The following CNTNAP2 variants were observed in gnomAD, a reference collection of about 807,000 sequenced individuals.
CNTNAP2 encodes the protein contactin-associated protein-like 2.
In CNTNAP2, 98 loss-of-function variants were observed where a neutral mutation model predicts 155.2. The ratio of observed to expected loss-of-function variants is 0.63; its 90% CI spans 0.54 to 0.75. The LOEUF (loss-of-function observed/expected upper bound fraction) is 0.75. CNTNAP2 is among the 30% of genes least tolerant of loss of function. CNTNAP2 has a pLI of 0.00. For synonymous variants in CNTNAP2, 651 were observed against 631.2 expected, an observed-to-expected ratio of 1.03 and a Z score of -0.47; for missense variants, 1,727 against 1,688.1, an observed-to-expected ratio of 1.02 and a Z score of -0.40.
chr7:147,331,155 A>G (rs1241560602), intron 9 of CNTNAP2, among the ~76,000 whole-genome samples: 3 of 152,192 alleles, frequency 2.0e-5, no homozygotes, highest in Middle Eastern at 6.8e-3. Context: ...AAATAAGGCA[A>G]TGGCAGTGAT....
intron 1 of CNTNAP2, among the ~76,000 whole-genome samples, chr7:146,438,874 G>A (rs1486375000): frequency 2.6e-5 from 4 of 151,216 alleles, no homozygotes; most frequent in South Asian, 2.1e-4. Flanking sequence ...TCTTTCTCTC[G>A]GGCACACACT....
intron 1 of CNTNAP2, among the ~76,000 whole-genome samples, chr7:146,151,694 ATATG>A (rs1472025122): frequency 6.8e-4 from 28 of 41,232 alleles, no homozygotes; most frequent in South Asian, 3.0e-3. Flanking sequence ...ATATATATAT[ATATG>A]TATATATATA....
chr7:146,400,278 A>T (rs1795694937), intron 1 of CNTNAP2, among the ~76,000 whole-genome samples: 1 of 151,104 alleles, frequency 6.6e-6, no homozygotes, highest in Admixed American at 6.6e-5. Context: ...AAAAAAAAAA[A>T]TATGAAAAAA....
intron 20 of CNTNAP2, among the ~76,000 whole-genome samples, chr7:148,257,420 T>C (rs1446021028): frequency 6.6e-6 from 1 of 152,204 alleles, no homozygotes; most frequent in African/African-American, 2.4e-5. Context: ...CTTGGCCTCT[T>C]TCTTCTTCTT....
chr7:146,624,296 G>T (rs897757694), intron 1 of CNTNAP2, among the ~76,000 whole-genome samples: 2 of 151,896 alleles, frequency 1.3e-5, no homozygotes, highest in East Asian at 3.9e-4. Context: ...ATGGATAAAG[G>T]CTTGTGTGTA....
At chr7:147,869,285 C>T (rs1397158958) in intron 13 of CNTNAP2, among the ~76,000 whole-genome samples, 1 of 152,102 alleles carries the variant, frequency 6.6e-6, no homozygotes, top group Non-Finnish European at 1.5e-5. Context: ...AAAATGAAAA[C>T]AAGTCTATTA....
chr7:146,930,126 A>T (rs1796714523), intron 3 of CNTNAP2, among the ~76,000 whole-genome samples: 1 of 152,150 alleles, frequency 6.6e-6, no homozygotes, highest in South Asian at 2.1e-4. Context: ...CAACTCCAAG[A>T]CACATAATTG....
intron 1 of CNTNAP2, among the ~76,000 whole-genome samples, chr7:146,626,082 T>C (rs1280186964): frequency 6.6e-6 from 1 of 152,128 alleles, no homozygotes; most frequent in African/African-American, 2.4e-5. Context: ...AAACTTGTGA[T>C]ACTTATCTAA....
intron 8 of CNTNAP2, among the ~76,000 whole-genome samples, chr7:147,189,729 C>T (rs1481077096): frequency 7.2e-6 from 1 of 139,624 alleles, no homozygotes; most frequent in Non-Finnish European, 1.6e-5. Context: ...ATCTTGGGCT[C>T]ACATTAACAC....
At chr7:146,414,268 G>A in intron 1 of CNTNAP2, among the ~76,000 whole-genome samples, 1 of 152,174 alleles carries the variant, frequency 6.6e-6, no homozygotes, top group East Asian at 1.9e-4. Flanking sequence ...AGAAAAGGGT[G>A]GTGTCAACTC....
At chr7:146,639,734 C>G (rs1204557333) in intron 1 of CNTNAP2, among the ~76,000 whole-genome samples, 2 of 152,194 alleles carry the variant, frequency 1.3e-5, no homozygotes, top group African/African-American at 4.8e-5. Flanking sequence ...TCAACACTTA[C>G]AGGTATTATC....
chr7:147,284,437 A>G (rs898303088), intron 8 of CNTNAP2, among the ~76,000 whole-genome samples: 4 of 151,938 alleles, frequency 2.6e-5, no homozygotes, highest in African/African-American at 9.7e-5. Flanking sequence ...CATGTAATGA[A>G]TATCACATAT....
At chr7:147,626,443 C>G (rs1794978889) in intron 12 of CNTNAP2, among the ~76,000 whole-genome samples, 1 of 152,104 alleles carries the variant, frequency 6.6e-6, no homozygotes, top group Non-Finnish European at 1.5e-5. Flanking sequence ...CTGAGAACCA[C>G]CCTGCATCCC....
At chr7:146,696,598 T>C (rs996683672) in intron 1 of CNTNAP2, among the ~76,000 whole-genome samples, 1 of 152,160 alleles carries the variant, frequency 6.6e-6, no homozygotes, top group African/African-American at 2.4e-5. Flanking sequence ...TTTTTCTCAC[T>C]TTCTAAAGCA....
At chr7:146,283,683 T>A (rs1314688242) in intron 1 of CNTNAP2, among the ~76,000 whole-genome samples, 2 of 152,340 alleles carry the variant, frequency 1.3e-5, no homozygotes, top group African/African-American at 4.8e-5. Flanking sequence ...ATTTTTAAAA[T>A]TTTTATCTAC....
intron 15 of CNTNAP2, among the ~76,000 whole-genome samples, chr7:148,011,124 A>T (rs1172513718): frequency 6.6e-6 from 1 of 152,138 alleles, no homozygotes; most frequent in African/African-American, 2.4e-5. Flanking sequence ...GTAAAAGTCA[A>T]TAGCTTCTGT....
chr7:146,694,820 C>T lies in CNTNAP2; in HGVS notation c.98-79451C>T, dbSNP rs181069320. ...GTAGATCTTATACATATTTTGTCGG[C>T]CTTATATCTAAGTGTTTGATAATTT... On this transcript the variant is annotated intron_variant, in intron 1 of 23. Transcript: ENST00000361727. 2.5e-3 allele frequency among the ~76,000 whole-genome samples: 381 copies of T among 151,858 alleles called. 3 individuals carry two copies. The highest frequency in any genetic ancestry group is 2.3e-3 in the East Asian group (12 of 5,152).
chr7:146,928,393 G>T (rs1350727143), intron 3 of CNTNAP2, among the ~76,000 whole-genome samples: 1 of 152,134 alleles, frequency 6.6e-6, no homozygotes, highest in East Asian at 1.9e-4. Context: ...TGGTCGTTCT[G>T]GGTGATGTGT....
intron 12 of CNTNAP2, among the ~76,000 whole-genome samples, chr7:147,598,204 G>A (rs1165666006): frequency 1.3e-5 from 2 of 149,394 alleles, no homozygotes; most frequent in African/African-American, 5.0e-5. Context: ...TGGAATACAT[G>A]TGCAGAACGT....
Sources: allele counts gnomAD v4.1 joint callset (sites outside exome capture counted in the v4.1 genomes callset), GRCh38; gene constraint gnomAD v4.1.1; transcripts MANE v1.5; gene names NCBI Gene and HGNC (gene_info 2026-07-23, HGNC 2026-07-21).